FSTL4: variants seen among roughly 807,000 people sequenced by gnomAD.
The protein encoded by FSTL4 is follistatin like 4, also known as follistatin-related protein 4.
Under a neutral mutation model 78.2 loss-of-function variants are expected in FSTL4, and 28 were observed. The observed-to-expected ratio is 0.36, with a 90% CI of 0.27 to 0.49. The LOEUF (loss-of-function observed/expected upper bound fraction) is 0.49, where lower values mean the gene tolerates loss of function less well. Ranked by LOEUF, FSTL4 falls within the 20% of genes least tolerant of loss-of-function variation. FSTL4 has a pLI of 0.98. For synonymous variants in FSTL4, 422 were observed against 440.5 expected (o/e 0.96, Z 0.53); for missense variants, 922 against 1,084.9 (o/e 0.85, Z 2.11).
chr5:133,431,568 T>C (rs1756939229), intron 3 of FSTL4, among the ~76,000 whole-genome samples: 1 of 152,166 alleles, frequency 6.6e-6, no homozygotes, highest in African/African-American at 2.4e-5. Flanking sequence ...ATGCTAGATG[T>C]GTGGGTAACA....
intron 4 of FSTL4, among the ~76,000 whole-genome samples, chr5:133,366,802 G>T (rs1016297219): frequency 6.6e-6 from 1 of 151,712 alleles, no homozygotes; most frequent in African/African-American, 2.4e-5. Context: ...ATAGTAATGG[G>T]ACCATTTTCA....
chr5:133,664,320 T>TTA, the FSTL4 span, among the ~76,000 whole-genome samples: 3 of 151,258 alleles, frequency 2.0e-5, no homozygotes, highest in African/African-American at 7.3e-5. Flanking sequence ...CTTTTTTTTT[T>TTA]AAAAAAAATT....
chr5:133,244,588 GA>G (rs1179960165), intron 7 of FSTL4: 2 of 152,314 alleles, frequency 1.3e-5, no homozygotes, highest in African/African-American at 2.4e-5. Context: ...TCATAATCCA[GA>G]GACCCACTGC....
intron 6 of FSTL4, among the ~76,000 whole-genome samples, chr5:133,307,515 T>TTTCATA (rs1753682149): frequency 6.6e-6 from 1 of 152,210 alleles, no homozygotes; most frequent in South Asian, 2.1e-4. Context: ...CTGGACATAG[T>TTTCATA]GTACAGTGCT....
intron 6 of FSTL4, among the ~76,000 whole-genome samples, chr5:133,261,948 C>T (rs1459127774): frequency 3.3e-5 from 5 of 151,102 alleles, no homozygotes; most frequent in Admixed American, 6.6e-5. Context: ...GCTGAGATTG[C>T]GCCACTGGAC....
At chr5:133,816,785 G>A in the FSTL4 span, among the ~76,000 whole-genome samples, 1 of 152,234 alleles carries the variant, frequency 6.6e-6, no homozygotes, top group African/African-American at 2.4e-5. Context: ...CAACTCTTCA[G>A]ATTGAGGCAC....
At chr5:133,264,710 G>T (rs1354979440) in intron 6 of FSTL4, among the ~76,000 whole-genome samples, 1 of 152,204 alleles carries the variant, frequency 6.6e-6, no homozygotes, top group African/African-American at 2.4e-5. Flanking sequence ...TCTTGGGTAG[G>T]TTCTTTAAAT....
At chr5:133,245,424 C>T (rs1389056870) in intron 7 of FSTL4, among the ~76,000 whole-genome samples, 1 of 152,258 alleles carries the variant, frequency 6.6e-6, no homozygotes, top group Non-Finnish European at 1.5e-5. Flanking sequence ...ATCTGCGCTT[C>T]CCCACTGCCC....
chr5:133,243,162 TG>T (rs1305750233), intron 7 of FSTL4, among the ~76,000 whole-genome samples: 2 of 152,198 alleles, frequency 1.3e-5, no homozygotes, highest in African/African-American at 4.8e-5. Flanking sequence ...TTTCTTCTAA[TG>T]GGTTTTGTTT....
chr5:133,258,780 A>G (rs1752443729), intron 6 of FSTL4, among the ~76,000 whole-genome samples: 2 of 152,184 alleles, frequency 1.3e-5, no homozygotes. Flanking sequence ...AGCTGGTGTT[A>G]ATTACATAAC....
the FSTL4 span, among the ~76,000 whole-genome samples, chr5:133,693,312 T>A: frequency 6.6e-6 from 1 of 151,786 alleles, no homozygotes. Context: ...ATTAGAAGAT[T>A]AGGGAGCCTT....
the FSTL4 span, among the ~76,000 whole-genome samples, chr5:133,689,422 A>G: frequency 6.6e-6 from 1 of 152,234 alleles, no homozygotes; most frequent in Admixed American, 6.5e-5. Context: ...AGCTACTTCA[A>G]ATTCAGTAAG....
At chr5:133,336,242 G>T (rs547955533) in intron 4 of FSTL4, among the ~76,000 whole-genome samples, 1 of 152,222 alleles carries the variant, frequency 6.6e-6, no homozygotes, top group African/African-American at 2.4e-5. Flanking sequence ...AGGCAAGGGT[G>T]GGGTGGGGAA....
the FSTL4 span, among the ~76,000 whole-genome samples, chr5:133,647,149 C>T: frequency 2.0e-3 from 310 of 152,182 alleles, 5 homozygotes; most frequent in African/African-American, 6.5e-3. Flanking sequence ...AGCACCACAC[C>T]GCACCCAGCT....
chr5:133,598,263 T>G (rs73283837), intron 2 of FSTL4, among the ~76,000 whole-genome samples: 13,799 of 151,392 alleles, frequency 0.091, 768 homozygotes, highest in African/African-American at 0.15. Context: ...AGGCTTTTCT[T>G]CCCAGTGTCC....
chr5:133,693,383 A>T, the FSTL4 span, among the ~76,000 whole-genome samples: 4 of 152,214 alleles, frequency 2.6e-5, no homozygotes, highest in Non-Finnish European at 5.9e-5. Context: ...CAAATTATAC[A>T]ATTATGAAAA....
chr5:133,656,339 T>C, the FSTL4 span, among the ~76,000 whole-genome samples: 1 of 152,072 alleles, frequency 6.6e-6, no homozygotes, highest in African/African-American at 2.4e-5. Context: ...AGCTGGAGTG[T>C]TTATACAACA....
chr5:133,244,992 TG>T (rs1307805797), intron 7 of FSTL4: 2 of 152,178 alleles, frequency 1.3e-5, no homozygotes, highest in African/African-American at 4.8e-5. Flanking sequence ...TGGTGGTGCA[TG>T]CCTGTGGTCC....
intron 6 of FSTL4, chr5:133,312,421 A>G: frequency 1.8e-6 from 1 of 551,424 alleles, no homozygotes; most frequent in Non-Finnish European, 3.2e-6. Flanking sequence ...CCCCTCAAAG[A>G]GCGAGAAAAA....
Sources: allele counts gnomAD v4.1 joint callset (sites outside exome capture counted in the v4.1 genomes callset), GRCh38; gene constraint gnomAD v4.1.1; transcripts MANE v1.5; gene names NCBI Gene and HGNC (gene_info 2026-07-23, HGNC 2026-07-21).